PTPRM: variants seen among roughly 807,000 people sequenced by gnomAD.
PTPRM encodes receptor-type tyrosine-protein phosphatase mu.
A neutral mutation model predicts 186.7 loss-of-function variants in PTPRM; 47 were observed. That is an observed-to-expected ratio of 0.25 (90% CI 0.20 to 0.32). PTPRM has a LOEUF of 0.32. Ranked by LOEUF, PTPRM falls within the 10% of genes least tolerant of loss-of-function variation. PTPRM has a pLI of 1.00. For synonymous variants in PTPRM, 668 were observed against 674.9 expected (o/e 0.99, Z 0.16); for missense variants, 1,494 against 1,865.0 (o/e 0.80, Z 3.66).
intron 7 of PTPRM, among the ~76,000 whole-genome samples, chr18:7,959,302 T>C (rs934470219): frequency 2.0e-5 from 3 of 152,226 alleles, no homozygotes; most frequent in Admixed American, 2.0e-4. Context: ...ATCTAAAATC[T>C]GAGAACCATG....
intron 13 of PTPRM, among the ~76,000 whole-genome samples, chr18:8,126,027 A>ATATTTTTT (rs57751538): frequency 8.6e-5 from 6 of 69,538 alleles, no homozygotes; most frequent in Non-Finnish European, 1.1e-4. Context: ...ATATATATAT[A>ATATTTTTT]TTTTAAATCA....
chr18:7,624,590 A>G (rs1272130807), intron 1 of PTPRM, among the ~76,000 whole-genome samples: 1 of 151,760 alleles, frequency 6.6e-6, no homozygotes, highest in Non-Finnish European at 1.5e-5. Context: ...GGTTCAAGTG[A>G]TCCTTCTCCC....
intron 2 of PTPRM, among the ~76,000 whole-genome samples, chr18:7,779,381 A>G (rs1477259535): frequency 6.6e-6 from 1 of 152,192 alleles, no homozygotes; most frequent in African/African-American, 2.4e-5. Context: ...TGGAAATGTG[A>G]CTAAGAATTG....
At chr18:8,115,286 G>A (rs1429574209) in intron 13 of PTPRM, among the ~76,000 whole-genome samples, 1 of 152,102 alleles carries the variant, frequency 6.6e-6, no homozygotes, top group Non-Finnish European at 1.5e-5. Flanking sequence ...CACTGGTGGT[G>A]CGTGTCTCTC....
At chr18:8,330,175 C>T (rs1302264552) in intron 22 of PTPRM, among the ~76,000 whole-genome samples, 1 of 152,170 alleles carries the variant, frequency 6.6e-6, no homozygotes, top group African/African-American at 2.4e-5. Flanking sequence ...AGACCAAGTG[C>T]AGCCCTAGAA....
At chr18:8,167,379 C>G (rs1233629664) in intron 14 of PTPRM, among the ~76,000 whole-genome samples, 1 of 152,212 alleles carries the variant, frequency 6.6e-6, no homozygotes, top group African/African-American at 2.4e-5. Context: ...GGACCAGGCT[C>G]CACACTTCTC....
chr18:7,994,423 A>G (rs1314895288), intron 7 of PTPRM, among the ~76,000 whole-genome samples: 5 of 152,128 alleles, frequency 3.3e-5, no homozygotes, highest in Middle Eastern at 3.2e-3. Context: ...TAGATAACCT[A>G]GATAGAAAAT....
chr18:8,216,581 A>AT (rs1256281081), intron 14 of PTPRM, among the ~76,000 whole-genome samples: 2 of 151,872 alleles, frequency 1.3e-5, no homozygotes, highest in Non-Finnish European at 2.9e-5. Flanking sequence ...ATTTTTGATC[A>AT]TTTTTCCTAT....
At chr18:8,308,716 C>T (rs56864661) in intron 20 of PTPRM, among the ~76,000 whole-genome samples, 4,600 of 152,246 alleles carry the variant, frequency 0.03, 254 homozygotes, top group African/African-American at 0.11. Flanking sequence ...TACATTTTGC[C>T]TGGCTTTTAA....
chr18:7,901,815 A>G (rs963055652), intron 3 of PTPRM, among the ~76,000 whole-genome samples: 14 of 152,076 alleles, frequency 9.2e-5, no homozygotes, highest in African/African-American at 3.4e-4. Flanking sequence ...ACAATAGGAA[A>G]CTCTCCAGTA....
At chr18:7,934,317 T>A (rs958787281) in intron 5 of PTPRM, among the ~76,000 whole-genome samples, 2 of 152,050 alleles carry the variant, frequency 1.3e-5, no homozygotes, top group Non-Finnish European at 2.9e-5. Flanking sequence ...ATTGATATAT[T>A]TTTTTTCTTT....
At chr18:7,676,269 T>G (rs1598350594) in intron 1 of PTPRM, among the ~76,000 whole-genome samples, 1 of 152,174 alleles carries the variant, frequency 6.6e-6, no homozygotes, top group Non-Finnish European at 1.5e-5. Flanking sequence ...TTAGAAAAAG[T>G]CATTCATCTC....
intron 4 of PTPRM, among the ~76,000 whole-genome samples, chr18:7,911,846 A>ATTTTTTCTT (rs2050282693): frequency 1.2e-5 from 1 of 80,676 alleles, no homozygotes; most frequent in Non-Finnish European, 2.2e-5. Flanking sequence ...TATGGTTTCA[A>ATTTTTTCTT]TTTTTTTTTT....
chr18:8,045,468 G>A (rs1328631405), intron 7 of PTPRM, among the ~76,000 whole-genome samples: 1 of 152,196 alleles, frequency 6.6e-6, no homozygotes, highest in Non-Finnish European at 1.5e-5. Context: ...TCTACCCGGT[G>A]GAATATTGCC....
At chr18:7,839,681 C>A (rs2046227255) in intron 2 of PTPRM, among the ~76,000 whole-genome samples, 1 of 152,196 alleles carries the variant, frequency 6.6e-6, no homozygotes, top group African/African-American at 2.4e-5. Context: ...GCCAATACTT[C>A]TTTAGCTGCC....
chr18:8,352,429 C>A (rs1272137512), intron 23 of PTPRM, among the ~76,000 whole-genome samples: 2 of 152,060 alleles, frequency 1.3e-5, no homozygotes, highest in Non-Finnish European at 2.9e-5. Flanking sequence ...TTTTTAAACC[C>A]TTTCCCTCCT....
At chr18:8,101,196 T>C (rs894119041) in intron 11 of PTPRM, among the ~76,000 whole-genome samples, 1 of 152,202 alleles carries the variant, frequency 6.6e-6, no homozygotes, top group African/African-American at 2.4e-5. Context: ...TTGATGCTTC[T>C]GGGTTTAAAT....
At chr18:8,106,601 C>T (rs992192477) in intron 11 of PTPRM, among the ~76,000 whole-genome samples, 4 of 152,156 alleles carry the variant, frequency 2.6e-5, no homozygotes, top group African/African-American at 4.8e-5. Context: ...TTTTCAAGGA[C>T]GGGGCAGTCT....
intron 1 of PTPRM, among the ~76,000 whole-genome samples, chr18:7,652,608 A>G (rs572895711): frequency 4.9e-4 from 74 of 151,994 alleles, no homozygotes; most frequent in African/African-American, 1.7e-3. Context: ...TTGTAGGGAC[A>G]TGGATGAAGT....
Sources: allele counts gnomAD v4.1 joint callset (sites outside exome capture counted in the v4.1 genomes callset), GRCh38; gene constraint gnomAD v4.1.1; transcripts MANE v1.5; gene names NCBI Gene and HGNC (gene_info 2026-07-23, HGNC 2026-07-21).